Variants in DMXL1 observed in about 807,000 individuals in gnomAD.
DMXL1 encodes the protein Dmx like 1.
In DMXL1, 99 loss-of-function variants were observed where a neutral mutation model predicts 319.2. The ratio of observed to expected loss-of-function variants is 0.31; its 90% CI spans 0.26 to 0.37. DMXL1 has a LOEUF of 0.37. Ranked by LOEUF, DMXL1 falls within the 10% of genes least tolerant of loss-of-function variation. DMXL1 has a pLI of 1.00. For missense variants in DMXL1, 3,745 were observed against 3,595.6 expected (o/e 1.04, Z -1.06); for synonymous variants, 1,385 against 1,235.2 (o/e 1.12, Z -2.54).
intron 1 of DMXL1, among the ~76,000 whole-genome samples, chr5:119,091,958 T>C (rs1754896198): frequency 2.6e-5 from 4 of 152,198 alleles, no homozygotes; most frequent in African/African-American, 9.7e-5. Context: ...CTTGTGATGC[T>C]TCTTATGGGT....
chr5:119,231,939 C>T (rs1351265019), intron 38 of DMXL1, among the ~76,000 whole-genome samples: 15 of 152,116 alleles, frequency 9.9e-5, no homozygotes, highest in Non-Finnish European at 1.5e-5. Flanking sequence ...CTGGAGCTGT[C>T]TTAGCCTAAT....
At chr5:119,241,895 A>G (rs1788893283) in intron 42 of DMXL1, among the ~76,000 whole-genome samples, 1 of 152,238 alleles carries the variant, frequency 6.6e-6, no homozygotes, top group East Asian at 1.9e-4. Context: ...TGCAATAGCA[A>G]CAGGAGGTGG....
chr5:119,133,064 C>T (rs997347577), intron 10 of DMXL1, 68 bp from the exon 11 acceptor site: 6 of 1,549,346 alleles, frequency 3.9e-6, no homozygotes, highest in East Asian at 2.3e-5. Flanking sequence ...TCCAGAAGCT[C>T]GGTAATTCTT....
Position 119,197,908 on chromosome 5 carries a change from C to T in DMXL1, c.7697C>T (p.Ala2566Val). Residue 2566 changes from alanine (A) to valine (V), a missense_variant, in exon 32 of 44, where the codon GCA (alanine) becomes GTA (valine). Coordinates refer to ENST00000539542, the MANE Select transcript of DMXL1 (RefSeq NM_001290321.3). ...TAEESLSAGP[A>V]ILRHKALLEP... ...GAAGAGAGTTTGTCTGCAGGTCCTG[C>T]AATTCTTCGCCACAAAGCTTTACTG... is the stretch of plus-strand genomic sequence containing the variant. The T allele has an allele frequency of 6.2e-7, 1 of 1,614,200 alleles. No individual in the cohort carries two copies. Among genetic ancestry groups the T allele is most frequent in the Non-Finnish European group, 8.5e-7 (1 of 1,180,028 alleles).
At chr5:119,080,360 G>A (rs575369871) in intron 1 of DMXL1, among the ~76,000 whole-genome samples, 1 of 152,106 alleles carries the variant, frequency 6.6e-6, no homozygotes, top group East Asian at 1.9e-4. Context: ...AATAATATAA[G>A]TAAAATAAAG....
intron 1 of DMXL1, among the ~76,000 whole-genome samples, chr5:119,073,237 A>G (rs1005952641): frequency 4.6e-5 from 7 of 152,112 alleles, no homozygotes; most frequent in African/African-American, 1.2e-4. Flanking sequence ...TAAGTTTTCT[A>G]TTTTTTGTAG....
rs34115254 is a variant in DMXL1 at position 119,209,348 on chromosome 5, A to ATT, written c.7926+2469_7926+2470dup. ...TGGATTGTGTACGAAATCCCATTCT[A>ATT]TTTTTTTTTTTTTTTTTTAAAAGGC... is the stretch of plus-strand genomic sequence containing the variant. On this transcript the variant is annotated intron_variant, in intron 34 of 43. Transcript: ENST00000539542. 9.9e-3 allele frequency among the ~76,000 whole-genome samples: 1,354 copies of ATT among 137,230 alleles called. 22 individuals are homozygous for ATT. The highest frequency in any genetic ancestry group is 0.037 in the South Asian group (159 of 4,292). 90.0% of individuals were successfully genotyped at this position (137,230 alleles called of 152,430 possible). A position where few individuals can be genotyped will look rare whatever the true frequency, so the allele number is the denominator to read the frequency against.
At chr5:119,183,506 A>AC (rs1221956619) in intron 28 of DMXL1, among the ~76,000 whole-genome samples, 1 of 152,176 alleles carries the variant, frequency 6.6e-6, no homozygotes. Context: ...AGAGACTCGT[A>AC]CCGTCGCCCA....
chr5:119,129,370 C>G lies in DMXL1; in HGVS notation c.1262C>G (p.Ser421Cys), dbSNP rs781003630. The change falls in exon 10 of 44, where the codon TCT becomes TGT. Residue 421 changes from serine to cysteine, a missense_variant. By Grantham distance (112) the Ser-to-Cys change is moderately radical. This residue lies in a region of DMXL1 where 2,096 missense variants were observed against 1,985.4 expected (regional missense o/e 1.06). Transcript: ENST00000539542. ...QQLRKSFEQPSSEASVEDSNQ... is the reference protein window; with the variant it reads ...QQLRKSFEQPCSEASVEDSNQ... ...CTTAGAAAAAGTTTTGAACAACCATCTTCTGAGGCCAGTGTAGAAGATTCT... is the reference window on the plus strand; with the variant it reads ...CTTAGAAAAAGTTTTGAACAACCATGTTCTGAGGCCAGTGTAGAAGATTCT... 1.2e-6 allele frequency: 2 copies of G among 1,613,712 alleles called. No individual in the cohort carries two copies. The highest frequency in any genetic ancestry group is 1.7e-6 in the Non-Finnish European group (2 of 1,179,864).
chr5:119,227,634 T>C (rs1172875478), intron 38 of DMXL1, among the ~76,000 whole-genome samples: 1 of 152,098 alleles, frequency 6.6e-6, no homozygotes, highest in African/African-American at 2.4e-5. Flanking sequence ...TTTTTCAAGG[T>C]ATCTTATTTG....
chr5:119,082,450 A>T (rs1172422917), intron 1 of DMXL1, among the ~76,000 whole-genome samples: 1 of 152,040 alleles, frequency 6.6e-6, no homozygotes, highest in African/African-American at 2.4e-5. Flanking sequence ...AATTTTTAAA[A>T]TTTTTTGTAG....
In DMXL1 at chr5:119,180,913, A is replaced by G. The variant is rs557345527; in HGVS notation, c.7135+2669A>G. Among the ~76,000 whole-genome samples the G allele has an allele frequency of 2.6e-5, 4 of 152,344 alleles. No homozygotes were observed. The South Asian group carries it at 8.3e-4, about 32-fold the overall frequency. On this transcript the variant is annotated intron_variant, in intron 28 of 43. Transcript: ENST00000539542. ...GTAAAATGTTAAAAAGGGATAAATT[A>G]TTGCTAAGGAATGTGCAGATATCCA...
chr5:119,213,148 A>T (rs1783095382), intron 34 of DMXL1, among the ~76,000 whole-genome samples: 1 of 151,868 alleles, frequency 6.6e-6, no homozygotes, highest in South Asian at 2.1e-4. Flanking sequence ...TTGTTTTTTC[A>T]TTTTCATTTT....
At chr5:119,126,457 A>G (rs1763597592) in intron 9 of DMXL1, among the ~76,000 whole-genome samples, 1 of 152,206 alleles carries the variant, frequency 6.6e-6, no homozygotes, top group African/African-American at 2.4e-5. Context: ...CCACCAGGAC[A>G]TGACTGTATA....
At chr5:119,244,950 T>C (rs1374893666) in intron 43 of DMXL1, among the ~76,000 whole-genome samples, 1 of 152,230 alleles carries the variant, frequency 6.6e-6, no homozygotes, top group African/African-American at 2.4e-5. Context: ...GTTTTTCATA[T>C]ATATTATTAT....
chr5:119,155,465 A>G (rs188259370), intron 19 of DMXL1, among the ~76,000 whole-genome samples: 1 of 152,330 alleles, frequency 6.6e-6, no homozygotes, highest in African/African-American at 2.4e-5. Flanking sequence ...AAGTAATTGC[A>G]GATACGGTAG....
chr5:119,239,003 T>A lies in DMXL1; in HGVS notation c.8574T>A (p.His2858Gln). ...AACCATTCCAGACTTGGCAGTGTCA[T>A]AACAAAACAGCCAATGATTTTGTCT... The part of the protein sequence containing the change: ...MPKPYLTWQC[H>Q]NKTANDFVFV... The change falls in exon 41 of 44, where the codon CAT (histidine) becomes CAA (glutamine). Residue 2858 changes from histidine (H) to glutamine (Q), a missense_variant. Transcript: ENST00000539542. The A allele has an allele frequency of 6.2e-7, 1 of 1,613,846 alleles. No homozygotes were observed. Among genetic ancestry groups the A allele is most frequent in the Non-Finnish European group, 8.5e-7 (1 of 1,179,908 alleles).
intron 34 of DMXL1, among the ~76,000 whole-genome samples, chr5:119,212,099 C>T (rs537527283): frequency 1.1e-3 from 160 of 152,100 alleles, no homozygotes; most frequent in African/African-American, 3.7e-3. Flanking sequence ...GTAAAGCAGC[C>T]CAGTGGCCAT....
chr5:119,139,645 A>C (rs760307383), intron 13 of DMXL1, among the ~76,000 whole-genome samples: 1 of 152,212 alleles, frequency 6.6e-6, no homozygotes, highest in African/African-American at 2.4e-5. Context: ...AGAAACCTAC[A>C]AAGAGACATA....
Sources: allele counts gnomAD v4.1 joint callset (sites outside exome capture counted in the v4.1 genomes callset), GRCh38; gene constraint gnomAD v4.1.1; regional missense constraint gnomAD v4.1.1; transcripts MANE v1.5; gene names NCBI Gene and HGNC (gene_info 2026-07-23, HGNC 2026-07-21).